The following CNTNAP5 variants were observed in gnomAD, a reference collection of about 807,000 sequenced individuals.
The protein encoded by CNTNAP5 is contactin-associated protein-like 5.
A neutral mutation model predicts 150.2 loss-of-function variants in CNTNAP5; 72 were observed. The ratio of observed to expected loss-of-function variants is 0.48; its 90% CI spans 0.40 to 0.58. The LOEUF (loss-of-function observed/expected upper bound fraction) is 0.58. CNTNAP5 is among the 20% of genes least tolerant of loss of function. The pLI is 0.00. For missense variants in CNTNAP5, 1,636 were observed against 1,626.2 expected (o/e 1.01, Z -0.10); for synonymous variants, 672 against 619.8 (o/e 1.08, Z -1.25).
rs141478908 is a variant in CNTNAP5, at chr2:124,247,918, T to C, written c.381+5525T>C. ...ATGGTCTCAAATATATTTGTCAGGA[T>C]TTTTTAAATGGTTCTCTCCTTTGTT... On this transcript the variant is annotated intron_variant, in intron 3 of 23. Coordinates refer to ENST00000682447, the MANE Select transcript of CNTNAP5 (RefSeq NM_001367498.1). 3.4e-3 allele frequency among the ~76,000 whole-genome samples: 519 copies of C among 152,282 alleles called. 3 individuals carry two copies. Among genetic ancestry groups the C allele is most frequent in the African/African-American group, 0.011 (445 of 41,572 alleles).
At position 124,526,868 on chromosome 2, in the gene CNTNAP5, T is replaced by C. The variant is rs112709849; in HGVS notation, c.1478-417T>C. On this transcript the variant is annotated intron_variant, in intron 9 of 23. Transcript: ENST00000682447. ...GCCATCCTTACCCAGAGCGTAATTT[T>C]CTTTGAAAGTGTAATTCAGAATTGA... 2.0e-3 allele frequency among the ~76,000 whole-genome samples: 303 copies of C among 152,324 alleles called. 1 individual carries two copies. Among genetic ancestry groups the C allele is most frequent in the Middle Eastern group, 0.014 (4 of 294 alleles).
At chr2:124,377,234 A>G (rs1690670187) in intron 3 of CNTNAP5, among the ~76,000 whole-genome samples, 1 of 152,112 alleles carries the variant, frequency 6.6e-6, no homozygotes, top group African/African-American at 2.4e-5. Context: ...CACTGAATAC[A>G]TTATTTTTGC....
intron 1 of CNTNAP5, among the ~76,000 whole-genome samples, chr2:124,205,800 G>A (rs1358911483): frequency 6.6e-6 from 1 of 152,144 alleles, no homozygotes; most frequent in Non-Finnish European, 1.5e-5. Context: ...TCCTCTGTGT[G>A]TTTTGCTGCC....
At chr2:124,679,467 C>G (rs1679016701) in intron 13 of CNTNAP5, among the ~76,000 whole-genome samples, 1 of 151,860 alleles carries the variant, frequency 6.6e-6, no homozygotes. Context: ...CCTTTAATCT[C>G]TATTTTACAG....
Position 124,764,110 on chromosome 2 carries a change from T to C in CNTNAP5, c.2496T>C (p.Asn832=). 6.2e-7 allele frequency: 1 copy of C among 1,613,184 alleles called. No homozygotes were observed. Among genetic ancestry groups the C allele is most frequent in the East Asian group, 2.2e-5 (1 of 44,858 alleles). Residue 832 remains asparagine, a synonymous_variant, in exon 16 of 24, where the codon AAT becomes AAC. Coordinates refer to ENST00000682447, the MANE Select transcript of CNTNAP5 (RefSeq NM_001367498.1). ...CATTATCCGGAGTTTTCCTAGAAAA[T>C]CTTGGCATTAAAGACTTCATTCGAC... ...TTALSGVFLE[N]LGIKDFIRLE...
intron 3 of CNTNAP5, among the ~76,000 whole-genome samples, chr2:124,408,220 C>T (rs1691636025): frequency 6.6e-6 from 1 of 152,210 alleles, no homozygotes; most frequent in African/African-American, 2.4e-5. Flanking sequence ...TCGCACCTGG[C>T]TCGGAGGGTC....
chr2:124,102,556 TCA>T (rs1683088402), intron 1 of CNTNAP5, among the ~76,000 whole-genome samples: 2 of 152,250 alleles, frequency 1.3e-5, no homozygotes, highest in South Asian at 4.2e-4. Flanking sequence ...CCAACAGAAG[TCA>T]CAGAGGCGGA....
intron 8 of CNTNAP5, among the ~76,000 whole-genome samples, chr2:124,518,063 A>C (rs935017583): frequency 6.6e-6 from 1 of 152,004 alleles, no homozygotes. Flanking sequence ...ATACCACAAG[A>C]CACCTACTCC....
At chr2:124,226,783 G>T (rs1252893049) in intron 2 of CNTNAP5, among the ~76,000 whole-genome samples, 18 of 151,928 alleles carry the variant, frequency 1.2e-4, no homozygotes, top group Admixed American at 1.2e-3. Flanking sequence ...TTTGGTCAGG[G>T]TCCTCTTGCT....
At chr2:124,854,050 A>G (rs1307732420) in intron 19 of CNTNAP5, among the ~76,000 whole-genome samples, 3 of 152,114 alleles carry the variant, frequency 2.0e-5, no homozygotes, top group Non-Finnish European at 4.4e-5. Flanking sequence ...ACTTTATCCA[A>G]TCTGTCATTG....
At chr2:124,418,995 G>A (rs13005560) in intron 4 of CNTNAP5, among the ~76,000 whole-genome samples, 2,880 of 149,046 alleles carry the variant, frequency 0.019, 121 homozygotes, top group East Asian at 0.1. Context: ...TTAGCCGGGC[G>A]CGGTGGCGGG....
Position 124,325,587 on chromosome 2 carries a change from G to C in CNTNAP5, c.381+83194G>C, listed in dbSNP as rs17011423. Among the ~76,000 whole-genome samples, 1,514 of 152,024 alleles carry C rather than the reference G, an allele frequency of 1.0e-2. 32 individuals carry two copies. Among genetic ancestry groups the C allele is most frequent in the African/African-American group, 0.034 (1,417 of 41,428 alleles). Reference sequence around the variant, plus strand: ...ACTGGTAGAAAGGCATTCATCTTGGGGTAAAAAAACTTTGGCTGTGAGCTC... The same window carrying C: ...ACTGGTAGAAAGGCATTCATCTTGGCGTAAAAAAACTTTGGCTGTGAGCTC... On this transcript the variant is annotated intron_variant, in intron 3 of 23. Coordinates refer to ENST00000682447, the MANE Select transcript of CNTNAP5 (RefSeq NM_001367498.1).
intron 7 of CNTNAP5, among the ~76,000 whole-genome samples, chr2:124,503,458 T>G (rs547604298): frequency 6.6e-6 from 1 of 151,930 alleles, no homozygotes; most frequent in African/African-American, 2.4e-5. Context: ...ATCCTTACCT[T>G]TTTTTTGCTA....
chr2:124,580,980 T>A (rs181436361), intron 11 of CNTNAP5, among the ~76,000 whole-genome samples: 1 of 151,448 alleles, frequency 6.6e-6, no homozygotes, highest in Non-Finnish European at 1.5e-5. Context: ...GGAACGGGAG[T>A]CATTGGAAGT....
At chr2:124,387,250 G>A (rs1319154244) in intron 3 of CNTNAP5, among the ~76,000 whole-genome samples, 2 of 152,214 alleles carry the variant, frequency 1.3e-5, no homozygotes, top group East Asian at 3.9e-4. Flanking sequence ...GCTGGGGATA[G>A]CAAAGCCATG....
rs184026947 is a variant in CNTNAP5, at chr2:124,769,924, G to A, written c.2534-2875G>A. ...AGCAAGTCTTAGTGAGTCAATTAAT[G>A]AAAAATGAGTAGTAAGGTATTTGGC... On this transcript the variant is annotated intron_variant, in intron 16 of 23. Transcript: ENST00000682447. 3.9e-3 allele frequency among the ~76,000 whole-genome samples: 593 copies of A among 152,064 alleles called. 3 individuals are homozygous for A. Among genetic ancestry groups the A allele is most frequent in the Non-Finnish European group, 5.5e-3 (372 of 67,964 alleles).
chr2:124,489,501 G>A (rs142693022), intron 7 of CNTNAP5, among the ~76,000 whole-genome samples: 71 of 152,200 alleles, frequency 4.7e-4, no homozygotes, highest in African/African-American at 1.3e-3. Context: ...AAATACAGTC[G>A]CATTCTGAGG....
At chr2:124,685,710 G>A (rs560040201) in intron 13 of CNTNAP5, among the ~76,000 whole-genome samples, 1 of 151,514 alleles carries the variant, frequency 6.6e-6, no homozygotes. Flanking sequence ...TGCCTCTAAA[G>A]AGTCTGTAGA....
chr2:124,456,653 C>G (rs887910016), intron 6 of CNTNAP5, among the ~76,000 whole-genome samples: 1 of 152,110 alleles, frequency 6.6e-6, no homozygotes, highest in Admixed American at 6.6e-5. Flanking sequence ...ATCACATTAC[C>G]TGATTTCAAA....
Sources: gnomAD v4.1 joint callset for allele counts (sites outside exome capture counted in the v4.1 genomes callset) on GRCh38, gnomAD v4.1.1 for gene constraint, MANE v1.5 for transcripts, NCBI Gene and HGNC (gene_info 2026-07-23, HGNC 2026-07-21) for gene names.